The following PPIL6 variants were observed in gnomAD, a reference collection of about 807,000 sequenced individuals.
PPIL6 encodes peptidylprolyl isomerase like 6.
In PPIL6, 39 loss-of-function variants were observed where a neutral mutation model predicts 36.8. The observed-to-expected ratio is 1.06, with a 90% confidence interval of 0.82 to 1.38. PPIL6 has a LOEUF of 1.38. Among genes scored for constraint, PPIL6 ranks in the 40% most tolerant of loss-of-function variants. The pLI is 0.00. For missense variants in PPIL6, 368 were observed against 379.1 expected, an observed-to-expected ratio of 0.97 and a Z score of 0.24; for synonymous variants, 123 against 134.1, an observed-to-expected ratio of 0.92 and a Z score of 0.57.
chr6:109,419,734 A>AT (rs1220938027), intron 5 of PPIL6, among the ~76,000 whole-genome samples: 1 of 152,116 alleles, frequency 6.6e-6, no homozygotes, highest in Non-Finnish European at 1.5e-5. Context: ...AAAAAAAAAA[A>AT]CAAAAGAATG....
intron 1 of PPIL6, among the ~76,000 whole-genome samples, chr6:109,436,719 TCAAAAAA>T (rs1452411257): frequency 1.3e-5 from 2 of 151,876 alleles, no homozygotes; most frequent in African/African-American, 4.8e-5. Flanking sequence ...GGACTCTATT[TCAAAAAA>T]CAAAAAACAA....
chr6:109,417,006 A>G (rs190680109), intron 6 of PPIL6, among the ~76,000 whole-genome samples: 46 of 151,244 alleles, frequency 3.0e-4, no homozygotes, highest in South Asian at 6.3e-4. Flanking sequence ...CATCTCTACA[A>G]ATCTTTTTTT....
rs548944290 is a variant in PPIL6, at chr6:109,424,265, C to T, written c.631+2582G>A. On this transcript the variant is annotated intron_variant, in intron 5 of 7. Transcript: ENST00000521072. ...GGGATACCTGCAGGAACAGGCTGGG[C>T]GGTATGTGCCCCAGGCAAAATAAAC... is the stretch of plus-strand genomic sequence containing the variant. 7.2e-5 allele frequency among the ~76,000 whole-genome samples: 11 copies of T among 152,162 alleles called. No homozygotes were observed. In the South Asian group the frequency reaches 8.3e-4, roughly 11 times the overall value.
intron 3 of PPIL6, among the ~76,000 whole-genome samples, chr6:109,428,232 A>G (rs1050215149): frequency 3.9e-5 from 6 of 152,154 alleles, no homozygotes; most frequent in African/African-American, 1.2e-4. Flanking sequence ...CATTTAATGG[A>G]GTACATTTCA....
intron 3 of PPIL6, 89 bp from the exon 4 acceptor site, chr6:109,427,245 T>G: frequency 1.3e-6 from 1 of 796,402 alleles, no homozygotes. Flanking sequence ...AGATACAATA[T>G]TTTTAGTGAA....
Position 109,401,988 on chromosome 6 carries a change from G to A in PPIL6, c.689-1818C>T, listed in dbSNP as rs560844405. 2.0e-5 allele frequency among the ~76,000 whole-genome samples: 3 copies of A among 152,204 alleles called. No individual in the cohort carries two copies. The South Asian group carries it at 6.2e-4, about 32-fold the overall frequency. ...TCTACCCGCCTCGGCCTCCCAAAGT[G>A]CTGGGATTACAGGCGTGAGCCACCG... On this transcript the variant is annotated intron_variant, in intron 6 of 7. Transcript: ENST00000521072.
chr6:109,407,523 C>T (rs561841099), intron 6 of PPIL6, among the ~76,000 whole-genome samples: 45 of 152,172 alleles, frequency 3.0e-4, no homozygotes, highest in African/African-American at 7.7e-4. Flanking sequence ...ATAGGCACCG[C>T]GCCCGGCCAG....
At chr6:109,435,537 C>T (rs986404838) in intron 2 of PPIL6, among the ~76,000 whole-genome samples, 1 of 152,116 alleles carries the variant, frequency 6.6e-6, no homozygotes, top group African/African-American at 2.4e-5. Flanking sequence ...ACCTCATGAT[C>T]GGCCTGCCTT....
chr6:109,414,769 T>C (rs1773172816), intron 6 of PPIL6, among the ~76,000 whole-genome samples: 1 of 152,054 alleles, frequency 6.6e-6, no homozygotes, highest in South Asian at 2.1e-4. Flanking sequence ...TGCGGGGGGT[T>C]AGGGACACCA....
intron 7 of PPIL6, among the ~76,000 whole-genome samples, chr6:109,399,561 CCT>C (rs1772442905): frequency 6.6e-6 from 1 of 152,132 alleles, no homozygotes; most frequent in South Asian, 2.1e-4. Context: ...TGCCATCATG[CCT>C]GACTAATTTT....
intron 6 of PPIL6, among the ~76,000 whole-genome samples, chr6:109,402,732 G>A (rs927349661): frequency 6.6e-6 from 1 of 152,110 alleles, no homozygotes; most frequent in East Asian, 1.9e-4. Context: ...AAAACTAAAC[G>A]ACTGTGTGTG....
At chr6:109,398,050 C>A (rs1421687071) in intron 7 of PPIL6, among the ~76,000 whole-genome samples, 1 of 152,094 alleles carries the variant, frequency 6.6e-6, no homozygotes, top group Non-Finnish European at 1.5e-5. Context: ...TGCCACCATG[C>A]CCAGCTAATT....
chr6:109,430,020 T>C (rs1774045666), intron 3 of PPIL6, among the ~76,000 whole-genome samples: 1 of 152,238 alleles, frequency 6.6e-6, no homozygotes. Context: ...GGGAATTAAC[T>C]GTTTGAACAT....
chr6:109,427,899 G>A (rs1458278506), intron 3 of PPIL6, among the ~76,000 whole-genome samples: 1 of 152,192 alleles, frequency 6.6e-6, no homozygotes, highest in Non-Finnish European at 1.5e-5. Context: ...TGAACATCAT[G>A]GATTTGGTTA....
At chr6:109,404,307 G>A (rs1025016807) in intron 6 of PPIL6, among the ~76,000 whole-genome samples, 3 of 152,156 alleles carry the variant, frequency 2.0e-5, no homozygotes, top group Admixed American at 2.0e-4. Flanking sequence ...AAAGCATTTG[G>A]GTGCTCTGAT....
intron 5 of PPIL6, among the ~76,000 whole-genome samples, chr6:109,422,065 G>A (rs1394288374): frequency 2.0e-5 from 3 of 151,248 alleles, no homozygotes; most frequent in South Asian, 2.1e-4. Context: ...TTAGTAGAGA[G>A]GGGGGTTTCA....
chr6:109,421,097 C>T (rs1277916480), intron 5 of PPIL6, among the ~76,000 whole-genome samples: 1 of 152,332 alleles, frequency 6.6e-6, no homozygotes, highest in East Asian at 1.9e-4. Context: ...GTGGTCTTCT[C>T]CCCTGCCAAC....
intron 5 of PPIL6, among the ~76,000 whole-genome samples, chr6:109,422,757 G>A (rs1045603350): frequency 2.6e-5 from 4 of 152,166 alleles, no homozygotes; most frequent in Admixed American, 1.3e-4. Flanking sequence ...TTTAAAAGTC[G>A]TGTGAAAGCT....
In PPIL6 at chr6:109,436,262, C is replaced by A. The variant is rs1435075183; in HGVS notation, c.136-63G>T. 3.9e-6 allele frequency: 4 copies of A among 1,020,544 alleles called. No homozygotes were observed. The African/African-American group carries it at 4.8e-5, about 12-fold the overall frequency. The allele number at this position is 1,020,544 out of a possible 1,614,324, so 63.2% of individuals were successfully genotyped here. On this transcript the variant is annotated intron_variant, in intron 1 of 7. Transcript: ENST00000521072. Reference sequence around the variant, plus strand: ...TCTCTTTTAAAGTCAAAATCATGTTCCCCAATTTTTACGGGGTTTCCAGAA... The same window carrying A: ...TCTCTTTTAAAGTCAAAATCATGTTACCCAATTTTTACGGGGTTTCCAGAA...
Sources: gnomAD v4.1 joint callset for allele counts (sites outside exome capture counted in the v4.1 genomes callset) on GRCh38, gnomAD v4.1.1 for gene constraint, MANE v1.5 for transcripts, NCBI Gene and HGNC (gene_info 2026-07-23, HGNC 2026-07-21) for gene names.